The following LRBA variants were observed in gnomAD, a reference collection of about 807,000 sequenced individuals.
The protein encoded by LRBA is lipopolysaccharide-responsive and beige-like anchor protein.
A neutral mutation model predicts 330.0 loss-of-function variants in LRBA; 176 were observed. That is an observed-to-expected ratio of 0.53 (90% CI 0.47 to 0.60). LRBA has a LOEUF of 0.60. LRBA is among the 20% of genes least tolerant of loss of function. The pLI, the probability that LRBA is intolerant of heterozygous loss-of-function variation, is 0.00. For missense variants in LRBA, 3,259 were observed against 3,444.8 expected (o/e 0.95, Z 1.35); for synonymous variants, 1,230 against 1,193.0 (o/e 1.03, Z -0.64).
intron 37 of LRBA, among the ~76,000 whole-genome samples, chr4:150,666,842 T>C (rs1781607526): frequency 6.6e-6 from 1 of 152,194 alleles, no homozygotes; most frequent in Admixed American, 6.5e-5. Flanking sequence ...TTCATTCTAT[T>C]TTTTTATATT....
intron 19 of LRBA, among the ~76,000 whole-genome samples, chr4:150,871,025 C>T (rs759517274): frequency 2.4e-4 from 37 of 152,074 alleles, no homozygotes; most frequent in Admixed American, 4.6e-4. Context: ...GGGTAGATCG[C>T]CTGAGGTCAG....
intron 47 of LRBA, among the ~76,000 whole-genome samples, chr4:150,407,051 G>A (rs1294212065): frequency 2.6e-5 from 4 of 152,172 alleles, no homozygotes; most frequent in Non-Finnish European, 4.4e-5. Flanking sequence ...CCAAAGTGCT[G>A]GGATTACAGG....
chr4:150,549,937 T>C (rs1766374594), intron 40 of LRBA, among the ~76,000 whole-genome samples: 1 of 152,206 alleles, frequency 6.6e-6, no homozygotes, highest in African/African-American at 2.4e-5. Flanking sequence ...GAACTACGAA[T>C]CCTGGCCATA....
chr4:150,760,494 C>T (rs1045546621), intron 35 of LRBA, among the ~76,000 whole-genome samples: 1 of 151,836 alleles, frequency 6.6e-6, no homozygotes, highest in Admixed American at 6.6e-5. Flanking sequence ...TGTTTAAAAT[C>T]TTCCAAGGCT....
At chr4:150,423,049 TCAGA>T in intron 46 of LRBA, 1 of 792,934 alleles carries the variant, frequency 1.3e-6, no homozygotes, top group Admixed American at 1.7e-5. Context: ...ATGGAACTTC[TCAGA>T]CAGGATGTCA....
chr4:150,779,755 CAT>C (rs1737909546), intron 34 of LRBA, among the ~76,000 whole-genome samples: 1 of 152,114 alleles, frequency 6.6e-6, no homozygotes, highest in South Asian at 2.1e-4. Flanking sequence ...CTTGAATCCA[CAT>C]ATATGTTGGT....
intron 34 of LRBA, among the ~76,000 whole-genome samples, chr4:150,793,687 G>T (rs1178206883): frequency 2.6e-5 from 4 of 152,144 alleles, no homozygotes; most frequent in Non-Finnish European, 2.9e-5. Context: ...CTTAAATATA[G>T]AATGAAATTA....
chr4:150,725,024 G>A (rs1165923513), intron 36 of LRBA, among the ~76,000 whole-genome samples: 2 of 151,360 alleles, frequency 1.3e-5, no homozygotes, highest in Non-Finnish European at 2.9e-5. Flanking sequence ...CAAGAAGGAA[G>A]TAGTGAGCTT....
intron 36 of LRBA, among the ~76,000 whole-genome samples, chr4:150,692,201 G>T (rs1230655151): frequency 1.3e-5 from 2 of 149,690 alleles, no homozygotes; most frequent in African/African-American, 5.1e-5. Flanking sequence ...GTTTATTTAA[G>T]AAGTGTTTGT....
At chr4:150,615,858 A>C (rs1217789879) in intron 37 of LRBA, among the ~76,000 whole-genome samples, 1 of 152,056 alleles carries the variant, frequency 6.6e-6, no homozygotes, top group Non-Finnish European at 1.5e-5. Flanking sequence ...GCACACTTCC[A>C]AACCCGGCCA....
At chr4:150,590,047 T>C (rs932334124) in intron 39 of LRBA, among the ~76,000 whole-genome samples, 1 of 152,194 alleles carries the variant, frequency 6.6e-6, no homozygotes, top group Non-Finnish European at 1.5e-5. Context: ...ACTATGTAAT[T>C]TTCACCTATT....
At chr4:150,617,198 T>C (rs1282829994) in intron 37 of LRBA, among the ~76,000 whole-genome samples, 2 of 152,214 alleles carry the variant, frequency 1.3e-5, no homozygotes, top group African/African-American at 2.4e-5. Context: ...ACTATCTATG[T>C]TAATTTCAAG....
At chr4:150,436,069 A>G (rs1212324288) in intron 45 of LRBA, among the ~76,000 whole-genome samples, 2 of 152,162 alleles carry the variant, frequency 1.3e-5, no homozygotes, top group Admixed American at 1.3e-4. Context: ...TATTTAATTT[A>G]TGATTAAGAA....
At chr4:150,326,447 C>T (rs142431403) in intron 48 of LRBA, among the ~76,000 whole-genome samples, 133 of 152,248 alleles carry the variant, frequency 8.7e-4, no homozygotes, top group Non-Finnish European at 1.6e-3. Context: ...CCATATGTTG[C>T]ATCTAAGCAT....
rs1407586395 is a variant in LRBA, at chr4:150,265,643, T to A, written c.*79A>T. 1 of 927,590 alleles carries A rather than the reference T, an allele frequency of 1.1e-6. No individual in the cohort carries two copies. Among genetic ancestry groups the A allele is most frequent in the Non-Finnish European group, 1.8e-6 (1 of 563,596 alleles). The allele number at this position is 927,590 out of a possible 1,614,324, so 57.5% of individuals were successfully genotyped here. A position where few individuals can be genotyped will look rare whatever the true frequency, so the allele number is the denominator to read the frequency against. On this transcript the variant is annotated 3_prime_UTR_variant, in exon 57 of 57. Transcript: ENST00000651943. ...CTTCTTTGAGCAAATTTAAGTTACA[T>A]TCAGATGTGGTAGAAGAGAATGATG...
chr4:150,532,634 T>C (rs980843008), intron 40 of LRBA, among the ~76,000 whole-genome samples: 1 of 152,114 alleles, frequency 6.6e-6, no homozygotes, highest in Non-Finnish European at 1.5e-5. Flanking sequence ...TTTGTTTACA[T>C]GCAACCTTAT....
chr4:150,607,546 T>C (rs1774781447), intron 37 of LRBA, among the ~76,000 whole-genome samples: 1 of 151,238 alleles, frequency 6.6e-6, no homozygotes, highest in Admixed American at 6.6e-5. Flanking sequence ...GGCAGGTATT[T>C]CTAATAGGTA....
At chr4:150,809,528 G>A (rs1437251681) in intron 31 of LRBA, among the ~76,000 whole-genome samples, 1 of 152,160 alleles carries the variant, frequency 6.6e-6, no homozygotes, top group Admixed American at 6.5e-5. Flanking sequence ...TCCATCCTGG[G>A]TAAGAAAGTG....
At chr4:150,669,568 A>G (rs12152622) in intron 37 of LRBA, among the ~76,000 whole-genome samples, 5 of 151,482 alleles carry the variant, frequency 3.3e-5, no homozygotes, top group Non-Finnish European at 7.4e-5. Context: ...GAGCTTGTCT[A>G]ATATTTTCTC....
Sources: allele counts gnomAD v4.1 joint callset (sites outside exome capture counted in the v4.1 genomes callset), GRCh38; gene constraint gnomAD v4.1.1; transcripts MANE v1.5; gene names NCBI Gene and HGNC (gene_info 2026-07-23, HGNC 2026-07-21).